Variants in FAM210A observed in about 807,000 individuals in gnomAD.
The protein encoded by FAM210A is mitochondrial inner membrane scaffold 1.
Under a neutral mutation model 25.3 loss-of-function variants are expected in FAM210A, and 13 were observed. That is an observed-to-expected ratio of 0.51 (90% CI 0.33 to 0.82). The LOEUF is 0.82. Ranked by LOEUF, FAM210A falls within the 40% of genes least tolerant of loss-of-function variation. The pLI is 0.02. For synonymous variants in FAM210A, 125 were observed against 118.7 expected, an observed-to-expected ratio of 1.05 and a Z score of -0.35; for missense variants, 319 against 323.2, an observed-to-expected ratio of 0.99 and a Z score of 0.10.
intron 1 of FAM210A, among the ~76,000 whole-genome samples, chr18:13,704,169 A>G (rs1421958843): frequency 6.6e-6 from 1 of 152,198 alleles, no homozygotes; most frequent in Non-Finnish European, 1.5e-5. Context: ...TTTTACATGC[A>G]AGGCGTGTGA....
At chr18:13,686,637 G>C (rs1014408507) in intron 1 of FAM210A, among the ~76,000 whole-genome samples, 3 of 152,100 alleles carry the variant, frequency 2.0e-5, no homozygotes, top group African/African-American at 7.2e-5. Flanking sequence ...GCTTGTTTCA[G>C]GTTGACACCC....
intron 1 of FAM210A, chr18:13,710,117 T>G (rs2043809867): frequency 6.6e-6 from 1 of 152,230 alleles, no homozygotes. Flanking sequence ...TTTGTAAAAC[T>G]AATGAAAGGC....
chr18:13,714,749 A>G (rs1292880620), intron 1 of FAM210A, among the ~76,000 whole-genome samples: 1 of 152,106 alleles, frequency 6.6e-6, no homozygotes, highest in East Asian at 1.9e-4. Context: ...CTTTACCATC[A>G]CCTTATGCAT....
intron 1 of FAM210A, among the ~76,000 whole-genome samples, chr18:13,714,306 G>C (rs188192662): frequency 9.8e-5 from 15 of 152,346 alleles, no homozygotes; most frequent in Non-Finnish European, 2.1e-4. Context: ...ACAGTGGTCA[G>C]TTGAAGGCTG....
chr18:13,699,786 C>T (rs2043724053), intron 1 of FAM210A, among the ~76,000 whole-genome samples: 1 of 152,188 alleles, frequency 6.6e-6, no homozygotes. Context: ...GTGTCTAGCA[C>T]TTACTATGCT....
At chr18:13,670,520 T>C (rs2043433029) in intron 3 of FAM210A, among the ~76,000 whole-genome samples, 1 of 152,210 alleles carries the variant, frequency 6.6e-6, no homozygotes, top group Admixed American at 6.5e-5. Context: ...GATATTCTTA[T>C]ACAACAGAAG....
intron 2 of FAM210A, among the ~76,000 whole-genome samples, chr18:13,673,551 G>A (rs1197109222): frequency 1.3e-5 from 2 of 150,816 alleles, no homozygotes; most frequent in East Asian, 2.0e-4. Context: ...ACATTCCTGA[G>A]CCCCGACTTC....
intron 1 of FAM210A, among the ~76,000 whole-genome samples, chr18:13,694,667 T>C (rs867035619): frequency 2.4e-4 from 37 of 152,328 alleles, no homozygotes; most frequent in African/African-American, 8.4e-4. Flanking sequence ...TAGCCATATG[T>C]AGAAAGCTGA....
At chr18:13,680,363 G>A (rs2043542105) in intron 2 of FAM210A, among the ~76,000 whole-genome samples, 1 of 151,950 alleles carries the variant, frequency 6.6e-6, no homozygotes, top group Admixed American at 6.6e-5. Flanking sequence ...TCTTCTGCAA[G>A]GAAAGATACA....
intron 2 of FAM210A, among the ~76,000 whole-genome samples, chr18:13,677,532 C>G (rs964360439): frequency 1.3e-5 from 2 of 152,210 alleles, no homozygotes; most frequent in Non-Finnish European, 2.9e-5. Context: ...TTTCACAGTG[C>G]TTTTCCATAC....
intron 2 of FAM210A, among the ~76,000 whole-genome samples, chr18:13,680,325 C>G (rs1020846773): frequency 6.6e-6 from 1 of 152,044 alleles, no homozygotes; most frequent in Admixed American, 6.6e-5. Context: ...AACCAAGAAA[C>G]AATTCCATAA....
intron 1 of FAM210A, among the ~76,000 whole-genome samples, chr18:13,690,876 G>C (rs1454219271): frequency 6.6e-6 from 1 of 152,198 alleles, no homozygotes; most frequent in Non-Finnish European, 1.5e-5. Flanking sequence ...CTCCTCACCA[G>C]CAACAGGACA....
chr18:13,670,047 T>C (rs557990130), intron 3 of FAM210A, among the ~76,000 whole-genome samples: 1 of 152,278 alleles, frequency 6.6e-6, no homozygotes, highest in South Asian at 2.1e-4. Flanking sequence ...CCATGACGCC[T>C]ACAGCCTCAT....
chr18:13,713,725 AACACAC>A lies in FAM210A; in HGVS notation c.-29+12598_-29+12603del, dbSNP rs55691136. ...GTAGCGGGGAAGTATGTCACTATAA[AACACAC>A]ACACACACACACACACACACACGTT... On this transcript the variant is annotated intron_variant, in intron 1 of 3. Coordinates refer to ENST00000651643, the MANE Select transcript of FAM210A (RefSeq NM_152352.4). Among the ~76,000 whole-genome samples the A allele has an allele frequency of 1.4e-3, 192 of 142,012 alleles. 1 individual carries two copies. Among genetic ancestry groups the A allele is most frequent in the African/African-American group, 4.4e-3 (168 of 37,826 alleles). The allele number at this position is 142,012 out of a possible 152,430, so 93.2% of individuals were successfully genotyped here. A position where few individuals can be genotyped will look rare whatever the true frequency, so the allele number is the denominator to read the frequency against.
chr18:13,725,729 A>G (rs921740402), intron 1 of FAM210A, among the ~76,000 whole-genome samples: 1 of 152,204 alleles, frequency 6.6e-6, no homozygotes, highest in African/African-American at 2.4e-5. Context: ...TCAGTACAGT[A>G]GGCGCTTTCA....
chr18:13,720,087 C>T (rs942924934), intron 1 of FAM210A, among the ~76,000 whole-genome samples: 8 of 152,096 alleles, frequency 5.3e-5, no homozygotes, highest in African/African-American at 4.8e-5. Flanking sequence ...CACGGTTAAG[C>T]GTAGAGTTTC....
chr18:13,677,143 C>T (rs1006135990), intron 2 of FAM210A, among the ~76,000 whole-genome samples: 4 of 151,072 alleles, frequency 2.6e-5, no homozygotes, highest in Admixed American at 6.6e-5. Context: ...GGCGCAATCT[C>T]GGCTTACTGC....
chr18:13,724,022 G>C (rs1427407139), intron 1 of FAM210A, among the ~76,000 whole-genome samples: 1 of 152,074 alleles, frequency 6.6e-6, no homozygotes, highest in Non-Finnish European at 1.5e-5. Flanking sequence ...TCAAAAATAT[G>C]ATCTTCAACT....
chr18:13,716,918 TA>T (rs1223937088), intron 1 of FAM210A, among the ~76,000 whole-genome samples: 1 of 152,192 alleles, frequency 6.6e-6, no homozygotes, highest in Non-Finnish European at 1.5e-5. Context: ...GAGAATGGAC[TA>T]ACACAGGGAG....
Sources: allele counts gnomAD v4.1 joint callset (sites outside exome capture counted in the v4.1 genomes callset), GRCh38; gene constraint gnomAD v4.1.1; transcripts MANE v1.5; gene names NCBI Gene and HGNC (gene_info 2026-07-23, HGNC 2026-07-21).